The following ADAM12 variants were observed in gnomAD, a reference collection of about 807,000 sequenced individuals.
ADAM12 encodes the protein ADAM metallopeptidase domain 12, also known as disintegrin and metalloproteinase domain-containing protein 12.
ADAM12 carries 70 observed loss-of-function variants against 106.4 expected under a neutral mutation model. The observed-to-expected ratio is 0.66, with a 90% CI of 0.54 to 0.80. The LOEUF (loss-of-function observed/expected upper bound fraction) is 0.80, where lower values mean the gene tolerates loss of function less well. ADAM12 is among the 30% of genes least tolerant of loss of function. The pLI is 0.00. For missense variants in ADAM12, 1,010 were observed against 1,171.9 expected (o/e 0.86, Z 2.02); for synonymous variants, 420 against 433.5 (o/e 0.97, Z 0.39).
chr10:126,321,048 G>T (rs1854077752), intron 2 of ADAM12, among the ~76,000 whole-genome samples: 5 of 152,072 alleles, frequency 3.3e-5, no homozygotes, highest in Admixed American at 2.6e-4. Flanking sequence ...ATTCATCCTT[G>T]CTTCCTGGGA....
intron 2 of ADAM12, among the ~76,000 whole-genome samples, chr10:126,307,496 G>C (rs1371736091): frequency 6.6e-6 from 1 of 151,928 alleles, no homozygotes; most frequent in Non-Finnish European, 1.5e-5. Context: ...TGAGATTCCA[G>C]GCATGCACAA....
At chr10:126,374,383 A>T (rs75307178) in intron 1 of ADAM12, among the ~76,000 whole-genome samples, 2,705 of 152,334 alleles carry the variant, frequency 0.018, 91 homozygotes, top group African/African-American at 0.062. Flanking sequence ...CAGCATCCTA[A>T]GAACTTTAAA....
At chr10:126,317,923 G>T (rs1853944457) in intron 2 of ADAM12, among the ~76,000 whole-genome samples, 1 of 151,888 alleles carries the variant, frequency 6.6e-6, no homozygotes, top group South Asian at 2.1e-4. Context: ...GAAAAGATAG[G>T]GTGTGTCTCA....
Position 126,375,077 on chromosome 10 carries a change from G to A in ADAM12, c.88+12981C>T, listed in dbSNP as rs190263777. 6.6e-4 allele frequency among the ~76,000 whole-genome samples: 101 copies of A among 152,100 alleles called. No individual in the cohort carries two copies. In the Middle Eastern group the frequency reaches 0.01, roughly 15 times the overall value. The stretch of plus-strand genomic sequence containing the variant: ...TAATATCTGCTAAAAGAAAAAAATC[G>A]CCAACCTCTGGTTTGGTTATCCATA... On this transcript the variant is annotated intron_variant, in intron 1 of 22. Transcript: ENST00000448723.
At chr10:126,124,911 A>G (rs565819735) in intron 5 of ADAM12, among the ~76,000 whole-genome samples, 1 of 150,140 alleles carries the variant, frequency 6.7e-6, no homozygotes, top group East Asian at 1.9e-4. Context: ...AAAAAAAAAA[A>G]GAAAAAGAAA....
At chr10:126,211,669 G>C (rs187361508) in intron 3 of ADAM12, among the ~76,000 whole-genome samples, 4 of 152,184 alleles carry the variant, frequency 2.6e-5, no homozygotes, top group African/African-American at 9.6e-5. Flanking sequence ...TCTGCTTCCT[G>C]AACCATGTGA....
chr10:126,307,791 C>T (rs1431511599), intron 2 of ADAM12, among the ~76,000 whole-genome samples: 50 of 152,136 alleles, frequency 3.3e-4, no homozygotes, highest in Non-Finnish European at 1.5e-5. Flanking sequence ...CAGAGTTTCG[C>T]CATGTTAGCC....
intron 1 of ADAM12, among the ~76,000 whole-genome samples, chr10:126,363,388 TAA>T (rs1442733176): frequency 2.0e-5 from 3 of 152,148 alleles, no homozygotes; most frequent in Non-Finnish European, 2.9e-5. Context: ...AAACACACAG[TAA>T]AAGACTGGAT....
intron 6 of ADAM12, among the ~76,000 whole-genome samples, chr10:126,110,838 T>C (rs1955855964): frequency 6.6e-6 from 1 of 152,224 alleles, no homozygotes; most frequent in Admixed American, 6.5e-5. Flanking sequence ...AAGCCTTCTG[T>C]TTCTGCCATA....
chr10:126,343,646 T>C (rs111652453), intron 1 of ADAM12, among the ~76,000 whole-genome samples: 2 of 152,166 alleles, frequency 1.3e-5, no homozygotes, highest in Non-Finnish European at 2.9e-5. Context: ...GTCCCACCAA[T>C]AGTGTAAAAG....
At position 126,304,597 on chromosome 10, in the gene ADAM12, T is replaced by C. The variant is rs1046364682; in HGVS notation, c.187-25609A>G. 1.4e-4 allele frequency among the ~76,000 whole-genome samples: 22 copies of C among 152,058 alleles called. 1 individual carries two copies. The highest frequency in any genetic ancestry group is 5.1e-4 in the African/African-American group (21 of 41,422). On this transcript the variant is annotated intron_variant, in intron 2 of 22. Transcript: ENST00000448723. ...GCAGTAAATGATATATTATAGAAGA[T>C]GAAATACTATTTGATAAATTGGACT... is the stretch of plus-strand genomic sequence containing the variant.
At chr10:126,020,709 G>T (rs73372590) in intron 21 of ADAM12, among the ~76,000 whole-genome samples, 1 of 152,056 alleles carries the variant, frequency 6.6e-6, no homozygotes, top group Admixed American at 6.6e-5. Flanking sequence ...GAAGAAAAAC[G>T]GCGGGGCGTG....
chr10:126,187,952 G>A (rs1161878389), intron 3 of ADAM12, among the ~76,000 whole-genome samples: 1 of 152,148 alleles, frequency 6.6e-6, no homozygotes, highest in East Asian at 1.9e-4. Flanking sequence ...CAAGAAAGAA[G>A]CACATGTCTG....
At chr10:126,151,976 C>T (rs1323788982) in intron 4 of ADAM12, among the ~76,000 whole-genome samples, 1 of 148,104 alleles carries the variant, frequency 6.8e-6, no homozygotes, top group Non-Finnish European at 1.5e-5. Context: ...TTCAAAGCAC[C>T]AGCTTTTGGT....
At chr10:126,315,019 G>A (rs17758801) in intron 2 of ADAM12, among the ~76,000 whole-genome samples, 7,210 of 152,224 alleles carry the variant, frequency 0.047, 257 homozygotes, top group Admixed American at 0.099. Context: ...GCAAGGAAAC[G>A]GTAAGCATGC....
intron 10 of ADAM12, among the ~76,000 whole-genome samples, chr10:126,096,408 T>G (rs1590403092): frequency 6.6e-6 from 1 of 152,238 alleles, no homozygotes; most frequent in East Asian, 1.9e-4. Flanking sequence ...TTCATGTTAT[T>G]AATATTATTT....
intron 1 of ADAM12, among the ~76,000 whole-genome samples, chr10:126,357,491 C>G (rs1199717711): frequency 1.3e-5 from 2 of 152,152 alleles, no homozygotes; most frequent in African/African-American, 2.4e-5. Flanking sequence ...TTTTCTAATA[C>G]AGAACCTGAT....
intron 11 of ADAM12, among the ~76,000 whole-genome samples, chr10:126,093,516 G>A (rs1055347299): frequency 2.0e-5 from 3 of 152,080 alleles, no homozygotes; most frequent in African/African-American, 7.2e-5. Flanking sequence ...GACACCCTAG[G>A]GCCAACCCTG....
At chr10:126,303,213 G>A (rs1960699634) in intron 2 of ADAM12, among the ~76,000 whole-genome samples, 1 of 152,168 alleles carries the variant, frequency 6.6e-6, no homozygotes, top group Non-Finnish European at 1.5e-5. Context: ...ATTCATCACT[G>A]GGAGCTTTCA....
Sources: gnomAD v4.1 joint callset for allele counts (sites outside exome capture counted in the v4.1 genomes callset) on GRCh38, gnomAD v4.1.1 for gene constraint, MANE v1.5 for transcripts, NCBI Gene and HGNC (gene_info 2026-07-23, HGNC 2026-07-21) for gene names.